Variants in ANO5 observed in about 807,000 individuals in gnomAD.
ANO5 encodes the protein anoctamin-5.
In ANO5, 109 loss-of-function variants were observed where a neutral mutation model predicts 121.0. The ratio of observed to expected loss-of-function variants is 0.90; its 90% CI spans 0.77 to 1.06. The LOEUF (loss-of-function observed/expected upper bound fraction) is 1.06. ANO5 is among the 50% of genes least tolerant of loss of function. ANO5 has a pLI of 0.00. For synonymous variants in ANO5, 406 were observed against 359.9 expected (o/e 1.13, Z -1.45); for missense variants, 1,064 against 1,078.5 (o/e 0.99, Z 0.19).
At chr11:22,276,296 G>A in intron 21 of ANO5, 97 bp downstream of exon 21, 1 of 974,670 alleles carries the variant, frequency 1.0e-6, no homozygotes, top group Admixed American at 1.9e-5. Flanking sequence ...CAATATCTCA[G>A]TAAACTGTCT....
rs2133789141 is a variant in ANO5, at chr11:22,273,002, A to G, written c.2235+13A>G. The G allele has an allele frequency of 6.2e-7, 1 of 1,610,862 alleles. No individual in the cohort carries two copies. Among genetic ancestry groups the G allele is most frequent in the African/African-American group, 1.3e-5 (1 of 74,850 alleles). On this transcript the variant is annotated intron_variant, in intron 19 of 21. Coordinates refer to ENST00000324559, the MANE Select transcript of ANO5 (RefSeq NM_213599.3). ...TGTTGCAACTAATGTAAGTGGACCT[A>G]TTTCGGTGGGGTGACTTTGTATTTC...
chr11:22,234,359 C>T (rs1172994206), intron 7 of ANO5, among the ~76,000 whole-genome samples: 1 of 152,062 alleles, frequency 6.6e-6, no homozygotes, highest in Non-Finnish European at 1.5e-5. Flanking sequence ...CTGTTGATCT[C>T]TTTAGGGGGA....
intron 18 of ANO5, among the ~76,000 whole-genome samples, chr11:22,270,931 T>A (rs138570213): frequency 1.3e-5 from 2 of 152,148 alleles, no homozygotes; most frequent in African/African-American, 4.8e-5. Flanking sequence ...TCCAAAACAT[T>A]GCAAGGTTTG....
intron 9 of ANO5, 73 bp downstream of exon 9, chr11:22,239,757 T>A (rs1313732596): frequency 1.7e-6 from 2 of 1,192,218 alleles, no homozygotes; most frequent in Non-Finnish European, 2.5e-6. Context: ...GCATAATATT[T>A]TTTTTACTAC....
chr11:22,243,948 A>G (rs1234967890), intron 9 of ANO5, among the ~76,000 whole-genome samples: 1 of 30,286 alleles, frequency 3.3e-5, no homozygotes, highest in Non-Finnish European at 1.6e-4. Context: ...TCTTGTCATC[A>G]TGTCGTTAGC....
chr11:22,193,039 CAG>C (rs1018650032), upstream of ANO5: 5 of 1,018,404 alleles, frequency 4.9e-6, no homozygotes, highest in East Asian at 4.2e-4. Flanking sequence ...GGCGTGGAAA[CAG>C]GGACGCAGCG....
At chr11:22,256,437 T>C (rs1042914928) in intron 13 of ANO5, among the ~76,000 whole-genome samples, 2 of 152,056 alleles carry the variant, frequency 1.3e-5, no homozygotes, top group Admixed American at 6.6e-5. Flanking sequence ...CATGAAAACA[T>C]CTCAAAAGAT....
chr11:22,199,657 A>C (rs558213792), intron 1 of ANO5, among the ~76,000 whole-genome samples: 2 of 152,080 alleles, frequency 1.3e-5, no homozygotes, highest in Non-Finnish European at 2.9e-5. Context: ...ATAAGAGTGC[A>C]TTGTTCTACT....
In ANO5 at chr11:22,225,908, TA is replaced by T; in HGVS notation, c.295-75del. ...GAGCCATCCAGAGTCACAGCCATTG[TA>T]TATTGAATCTGTCAATACTGAGCAA... On this transcript the variant is annotated intron_variant, in intron 5 of 21. Transcript: ENST00000324559. The T allele has an allele frequency of 2.7e-5, 30 of 1,112,140 alleles. 3 individuals are homozygous for T. In the South Asian group the frequency reaches 3.9e-4, roughly 14 times the overall value. The allele number at this position is 1,112,140 out of a possible 1,614,324, so 68.9% of individuals were successfully genotyped here. A position where few individuals can be genotyped will look rare whatever the true frequency, so the allele number is the denominator to read the frequency against.
At chr11:22,256,568 A>C (rs537803435) in intron 13 of ANO5, among the ~76,000 whole-genome samples, 2 of 152,318 alleles carry the variant, frequency 1.3e-5, no homozygotes, top group East Asian at 3.9e-4. Flanking sequence ...CGAAATAAAA[A>C]AGTAAACAAA....
chr11:22,252,275 C>T (rs1032161955), intron 12 of ANO5, among the ~76,000 whole-genome samples: 1 of 152,088 alleles, frequency 6.6e-6, no homozygotes, highest in Non-Finnish European at 1.5e-5. Flanking sequence ...ATCCATTTTT[C>T]ATGAGGCTGC....
intron 5 of ANO5, among the ~76,000 whole-genome samples, chr11:22,222,019 C>T (rs1308051153): frequency 6.6e-6 from 1 of 152,004 alleles, no homozygotes; most frequent in African/African-American, 2.4e-5. Flanking sequence ...TTCATCTCTT[C>T]TCCGAACATT....
chr11:22,213,891 T>TTTTTG (rs59952448), intron 3 of ANO5, among the ~76,000 whole-genome samples: 11,797 of 148,432 alleles, frequency 0.079, 1,421 homozygotes, highest in African/African-American at 0.27. Flanking sequence ...GGTGTTTTGT[T>TTTTTG]TTTTGTTTTG....
intron 19 of ANO5, 21 bp from the exon 20 acceptor site, chr11:22,274,547 TC>T: frequency 6.5e-7 from 1 of 1,545,758 alleles, no homozygotes; most frequent in South Asian, 1.2e-5. Context: ...ATGATCTTCC[TC>T]TTTTTTTTTT....
At chr11:22,274,453 A>G (rs532672360) in intron 19 of ANO5, 116 bp from the exon 20 acceptor site, 175 of 928,508 alleles carry the variant, frequency 1.9e-4, no homozygotes, top group Admixed American at 2.5e-4. Context: ...GATTTATAAT[A>G]GTATTTAATC....
chr11:22,262,905 G>T, intron 16 of ANO5, 41 bp from the exon 17 acceptor site: 1 of 1,467,864 alleles, frequency 6.8e-7, no homozygotes, highest in South Asian at 1.1e-5. Flanking sequence ...TTCCATCTTT[G>T]ATCATTCAAT....
intron 13 of ANO5, 100 bp downstream of exon 13, chr11:22,255,622 C>A: frequency 7.3e-7 from 1 of 1,378,586 alleles, no homozygotes; most frequent in Non-Finnish European, 1.0e-6. Context: ...TTAAAATATT[C>A]TGCAACGTAT....
At chr11:22,215,658 T>G (rs981201436) in intron 3 of ANO5, among the ~76,000 whole-genome samples, 1 of 151,964 alleles carries the variant, frequency 6.6e-6, no homozygotes, top group African/African-American at 2.4e-5. Flanking sequence ...TTCTTTTCGT[T>G]GCTCACATCA....
intron 1 of ANO5, among the ~76,000 whole-genome samples, chr11:22,200,714 G>A (rs546513997): frequency 6.6e-6 from 1 of 152,038 alleles, no homozygotes; most frequent in African/African-American, 2.4e-5. Context: ...GAATGAAAAA[G>A]ACAAATATGG....
Sources: gnomAD v4.1 joint callset for allele counts (sites outside exome capture counted in the v4.1 genomes callset) on GRCh38, gnomAD v4.1.1 for gene constraint, MANE v1.5 for transcripts, NCBI Gene and HGNC (gene_info 2026-07-23, HGNC 2026-07-21) for gene names.